Variants in SASH1 observed in about 807,000 individuals in gnomAD.
SASH1 encodes the protein SAM and SH3 domain containing 1.
In SASH1, 44 loss-of-function variants were observed where a neutral mutation model predicts 125.2. That is an observed-to-expected ratio of 0.35 (90% CI 0.28 to 0.45). The LOEUF is 0.45. Among genes scored for constraint, SASH1 ranks in the 20% least tolerant of loss-of-function variants. SASH1 has a pLI of 1.00. For missense variants in SASH1, 1,426 were observed against 1,614.5 expected, an observed-to-expected ratio of 0.88 and a Z score of 2.00; for synonymous variants, 639 against 649.1, an observed-to-expected ratio of 0.98 and a Z score of 0.24.
At chr6:148,412,769 G>GA (rs1234582746) in intron 2 of SASH1, among the ~76,000 whole-genome samples, 6 of 152,072 alleles carry the variant, frequency 3.9e-5, no homozygotes, top group African/African-American at 1.2e-4. Flanking sequence ...CACCACTGGG[G>GA]ATCACATTTC....
At chr6:148,215,836 TA>T in the SASH1 span, among the ~76,000 whole-genome samples, 1 of 152,026 alleles carries the variant, frequency 6.6e-6, no homozygotes, top group African/African-American at 2.4e-5. Context: ...CAGAAATATC[TA>T]CTTTTTTATT....
intron 4 of SASH1, among the ~76,000 whole-genome samples, chr6:148,466,328 T>C (rs1777834763): frequency 6.6e-6 from 1 of 152,204 alleles, no homozygotes; most frequent in African/African-American, 2.4e-5. Context: ...TCATCAACAG[T>C]TCTCTGCACT....
the SASH1 span, among the ~76,000 whole-genome samples, chr6:148,238,710 C>T: frequency 2.6e-5 from 4 of 151,826 alleles, no homozygotes; most frequent in Non-Finnish European, 1.5e-5. Flanking sequence ...TGACTTTGCT[C>T]ATTGCTGAGT....
rs571353906 is a variant in SASH1, at chr6:148,310,507, G to A, written n.74+38130G>A. 4.0e-5 allele frequency among the ~76,000 whole-genome samples: 6 copies of A among 150,612 alleles called. 1 individual carries two copies. The South Asian group carries it at 1.3e-3, about 32-fold the overall frequency. Reference sequence around the variant, plus strand: ...AAATAAGATTTTGTCACTAAAACAAGATATGATTCATAAAAGAAAACATGG... The same window carrying A: ...AAATAAGATTTTGTCACTAAAACAAAATATGATTCATAAAAGAAAACATGG... On this transcript the variant is annotated intron_variant and non_coding_transcript_variant, in intron 1 of 3. Coordinates refer to the SASH1 transcript ENST00000367469.
At chr6:148,210,456 C>T in the SASH1 span, among the ~76,000 whole-genome samples, 1 of 152,142 alleles carries the variant, frequency 6.6e-6, no homozygotes, top group Admixed American at 6.5e-5. Context: ...TTGCTTGGAC[C>T]CAGGAGGTGG....
intron 6 of SASH1, 57 bp from the exon 7 acceptor site, chr6:148,474,053 C>T (rs1035255912): frequency 1.0e-5 from 11 of 1,048,766 alleles, no homozygotes; most frequent in South Asian, 2.7e-5. Flanking sequence ...TCCGCATTGA[C>T]GTTCTGTTTC....
chr6:148,404,906 A>C (rs1583098659), intron 2 of SASH1, among the ~76,000 whole-genome samples: 1 of 150,858 alleles, frequency 6.6e-6, no homozygotes, highest in Non-Finnish European at 1.5e-5. Context: ...TTTGTTTAAC[A>C]CAGCTGAGTG....
At chr6:148,333,329 C>G (rs1781048144) in intron 1 of SASH1, among the ~76,000 whole-genome samples, 1 of 151,890 alleles carries the variant, frequency 6.6e-6, no homozygotes, top group Non-Finnish European at 1.5e-5. Flanking sequence ...GGGAGGATCC[C>G]TTGAGCCCAG....
the SASH1 span, among the ~76,000 whole-genome samples, chr6:148,193,931 A>C: frequency 7.4e-4 from 113 of 152,314 alleles, no homozygotes; most frequent in Middle Eastern, 6.8e-3. Flanking sequence ...TCTAAGGTAG[A>C]TTTTTAACAT....
At chr6:148,285,844 A>T (rs1190032603) in intron 1 of SASH1, among the ~76,000 whole-genome samples, 1 of 152,192 alleles carries the variant, frequency 6.6e-6, no homozygotes, top group Non-Finnish European at 1.5e-5. Flanking sequence ...AGATTTGGTG[A>T]TCTACAATCA....
At chr6:148,320,251 A>T (rs1027193705) in intron 1 of SASH1, among the ~76,000 whole-genome samples, 4 of 152,224 alleles carry the variant, frequency 2.6e-5, no homozygotes, top group Non-Finnish European at 4.4e-5. Flanking sequence ...TTTACTTCAG[A>T]TCGCAGAGCC....
chr6:148,349,263 T>C (rs1487467532), intron 1 of SASH1, among the ~76,000 whole-genome samples: 1 of 126,572 alleles, frequency 7.9e-6, no homozygotes, highest in African/African-American at 3.1e-5. Flanking sequence ...TTTTTTTTTT[T>C]TTTTTTTTTT....
At chr6:148,350,172 C>G (rs1257618227) in intron 1 of SASH1, among the ~76,000 whole-genome samples, 1 of 152,052 alleles carries the variant, frequency 6.6e-6, no homozygotes, top group Non-Finnish European at 1.5e-5. Flanking sequence ...AAGGAAAAGG[C>G]GGCCAGGCAC....
chr6:148,511,701 A>T (rs1245758667), intron 8 of SASH1, among the ~76,000 whole-genome samples: 1 of 152,346 alleles, frequency 6.6e-6, no homozygotes, highest in East Asian at 1.9e-4. Context: ...GTAGGATTTT[A>T]TGAGGAAGGC....
At chr6:148,214,625 A>G in the SASH1 span, among the ~76,000 whole-genome samples, 1 of 152,074 alleles carries the variant, frequency 6.6e-6, no homozygotes, top group Non-Finnish European at 1.5e-5. Context: ...CTATTCTCCC[A>G]CCAGATCCCT....
the SASH1 span, among the ~76,000 whole-genome samples, chr6:148,260,796 CTT>C: frequency 1.9e-5 from 2 of 104,044 alleles, no homozygotes; most frequent in African/African-American, 4.2e-5. Flanking sequence ...CCTATAAGGG[CTT>C]TTTTTTTTTT....
At chr6:148,515,794 AATTGCC>A in intron 9 of SASH1, among the ~76,000 whole-genome samples, 1 of 152,302 alleles carries the variant, frequency 6.6e-6, no homozygotes, top group African/African-American at 2.4e-5. Context: ...AACCATATGG[AATTGCC>A]AACATTCAAC....
chr6:148,511,807 A>G (rs2115317606), intron 8 of SASH1, among the ~76,000 whole-genome samples: 1 of 152,054 alleles, frequency 6.6e-6, no homozygotes, highest in African/African-American at 2.4e-5. Context: ...TTGTGGACTA[A>G]AATTTTTGTA....
chr6:148,389,545 A>T (rs1234831388), intron 1 of SASH1, among the ~76,000 whole-genome samples: 1 of 152,272 alleles, frequency 6.6e-6, no homozygotes, highest in Non-Finnish European at 1.5e-5. Context: ...ATGAATAAAA[A>T]GATTTTCCAC....
Sources: allele counts gnomAD v4.1 joint callset (sites outside exome capture counted in the v4.1 genomes callset), GRCh38; gene constraint gnomAD v4.1.1; transcripts MANE v1.5; gene names NCBI Gene and HGNC (gene_info 2026-07-23, HGNC 2026-07-21).